OR4E2: variants seen among roughly 807,000 people sequenced by gnomAD.
The protein encoded by OR4E2 is olfactory receptor 4E2.
In OR4E2, 9 loss-of-function variants were observed where a neutral mutation model predicts 11.0. The ratio of observed to expected loss-of-function variants is 0.82; its 90% CI spans 0.49 to 1.43. The LOEUF is 1.43. Among genes scored for constraint, OR4E2 ranks in the 40% most tolerant of loss-of-function variants. The pLI is 0.00. For missense variants in OR4E2, 441 were observed against 382.0 expected (o/e 1.15, Z -1.29); for synonymous variants, 159 against 147.3 (o/e 1.08, Z -0.57).
intron 1 of OR4E2, among the ~76,000 whole-genome samples, chr14:21,656,184 A>G (rs1427904351): frequency 6.6e-6 from 1 of 151,786 alleles, no homozygotes; most frequent in African/African-American, 2.4e-5. Flanking sequence ...CAAAAAAAAA[A>G]AAGCAATGAA....
chr14:21,657,513 TTGTTTTTC>T (rs1211309396), intron 2 of OR4E2, among the ~76,000 whole-genome samples: 2,657 of 106,672 alleles, frequency 0.025, 149 homozygotes, highest in Admixed American at 0.096. Context: ...CCTTCTTTCT[TTGTTTTTC>T]TTTCTTTCTT....
chr14:21,657,435 CTTT>C (rs1159669177), intron 2 of OR4E2, among the ~76,000 whole-genome samples: 1 of 91,892 alleles, frequency 1.1e-5, no homozygotes, highest in Non-Finnish European at 2.1e-5. Context: ...TTTCTTTCTT[CTTT>C]CTTTCCTTCC....
chr14:21,660,892 A>C (rs1267227005), intron 3 of OR4E2, 146 bp downstream of exon 3: 2 of 152,190 alleles, frequency 1.3e-5, no homozygotes, highest in Non-Finnish European at 2.9e-5. Context: ...CACACATTTG[A>C]ATACATATAT....
chr14:21,660,797 T>C (rs905140179), intron 3 of OR4E2, 51 bp downstream of exon 3: 3 of 152,100 alleles, frequency 2.0e-5, no homozygotes, highest in Non-Finnish European at 2.9e-5. Context: ...GATTTCTCAC[T>C]GTAATGTTGA....
intron 3 of OR4E2, among the ~76,000 whole-genome samples, 198 bp from the exon 4 acceptor site, chr14:21,664,877 G>T (rs1443246288): frequency 6.6e-6 from 1 of 152,168 alleles, no homozygotes; most frequent in Non-Finnish European, 1.5e-5. Context: ...GCCATAGGGT[G>T]GTTGTGTTTA....
At position 21,660,633 on chromosome 14, in the gene OR4E2, T is replaced by C. The variant is rs985049850; in HGVS notation, c.-102-20T>C. 0.016 allele frequency: 7 copies of C among 440 alleles called. No homozygotes were observed. Among genetic ancestry groups the C allele is most frequent in the South Asian group, 0.17 (1 of 6 alleles). 0.0% of individuals were successfully genotyped at this position (440 alleles called of 1,614,324 possible). Reference sequence around the variant, plus strand: ...AGTGAAATGATTTAATCTGATCTATTTTTTTTTTTTTTTTTAAAGATGGCA... The same window carrying C: ...AGTGAAATGATTTAATCTGATCTATCTTTTTTTTTTTTTTTAAAGATGGCA... On this transcript the variant is annotated intron_variant, in intron 2 of 3. Transcript: ENST00000641524.
chr14:21,654,675 G>A (rs896245936), intron 1 of OR4E2, among the ~76,000 whole-genome samples: 4 of 151,894 alleles, frequency 2.6e-5, no homozygotes, highest in Non-Finnish European at 1.5e-5. Flanking sequence ...AAAAATCTGC[G>A]TATAAGTGGA....
rs1673673653 is a variant in OR4E2 at position 21,666,711 on chromosome 14, T to G, written c.*687T>G. 1 of 151,930 alleles carries G rather than the reference T, an allele frequency of 6.6e-6. No homozygotes were observed. The highest frequency in any genetic ancestry group is 6.6e-5 in the Admixed American group (1 of 15,256). The allele number at this position is 151,930 out of a possible 1,614,324, so 9.4% of individuals were successfully genotyped here. A position where few individuals can be genotyped will look rare whatever the true frequency, so the allele number is the denominator to read the frequency against. ...GAAAATACCAAGTGGTTTTTTTTTT[T>G]TTTTTCCTAATTACTCTGTCGCCCA... On this transcript the variant is annotated 3_prime_UTR_variant, in exon 4 of 4. Transcript: ENST00000641524.
chr14:21,657,634 A>G (rs1880083669), intron 2 of OR4E2, among the ~76,000 whole-genome samples: 1 of 141,028 alleles, frequency 7.1e-6, no homozygotes. Flanking sequence ...CTTGTTGCCC[A>G]GGCTGGAGCT....
chr14:21,656,884 C>G lies in OR4E2; in HGVS notation c.-103+295C>G, dbSNP rs578139399. ...GGATTCCTCAAGATGTCTGGGGTTA[C>G]GACTTGTCACCTTTAGAGTTTGCCA... is the stretch of plus-strand genomic sequence containing the variant. On this transcript the variant is annotated intron_variant, in intron 2 of 3. Transcript: ENST00000641524. Among the ~76,000 whole-genome samples, 37 of 152,294 alleles carry G rather than the reference C, an allele frequency of 2.4e-4. 1 individual carries two copies. The South Asian group carries it at 7.3e-3, about 30-fold the overall frequency.
At chr14:21,656,951 G>T (rs1879982677) in intron 2 of OR4E2, among the ~76,000 whole-genome samples, 1 of 152,138 alleles carries the variant, frequency 6.6e-6, no homozygotes, top group Admixed American at 6.5e-5. Context: ...CACTCCGTAG[G>T]TTATGGAGTC....
Position 21,665,746 on chromosome 14 carries a change from C to G in OR4E2, c.664C>G (p.Leu222Val), listed in dbSNP as rs755096988. The G allele has an allele frequency of 6.2e-6, 10 of 1,614,038 alleles. No individual in the cohort carries two copies. Among genetic ancestry groups the G allele is most frequent in the South Asian group, 3.3e-5 (3 of 91,078 alleles). Residue 222 changes from leucine (L) to valine (V), a missense_variant, in exon 4 of 4, where the codon CTG (leucine) becomes GTG (valine). Coordinates refer to ENST00000641524, the MANE Select transcript of OR4E2 (RefSeq NM_001001912.3). ...LAVVTSYMVI[L>V]VSLRKHSAEG... ...CGTGGTCACCTCCTATATGGTCATC[C>G]TGGTTTCTCTTCGAAAACACTCAGC...
In OR4E2 at chr14:21,665,759, G is replaced by T; in HGVS notation, c.677G>T (p.Arg226Leu). Residue 226 changes from arginine to leucine, a missense_variant, in exon 4 of 4, where the codon CGA becomes CTA. By Grantham distance (102) the Arg-to-Leu change is moderately radical. Transcript: ENST00000641524. ...TSYMVILVSL[R>L]KHSAEGRRKA... is the part of the protein sequence containing the mutation. ...TATATGGTCATCCTGGTTTCTCTTC[G>T]AAAACACTCAGCTGAAGGGCGCCGG... The T allele has an allele frequency of 1.2e-6, 2 of 1,613,970 alleles. No individual in the cohort carries two copies. The highest frequency in any genetic ancestry group is 2.2e-5 in the South Asian group (2 of 91,072).
intron 2 of OR4E2, 26 bp from the exon 3 acceptor site, chr14:21,660,627 A>T (rs1880267925): frequency 4.5e-5 from 4 of 87,966 alleles, no homozygotes; most frequent in Non-Finnish European, 8.7e-5. Flanking sequence ...ATTTAATCTG[A>T]TCTATTTTTT....
rs755668990 is a variant in OR4E2, at chr14:21,666,133, G to A, written c.*109G>A. ...TTGGTAAATTAGGTAAAATGGCATAGAGCAGGTCAGATTTCTGCTCATTAA... is the reference window on the plus strand; with the variant it reads ...TTGGTAAATTAGGTAAAATGGCATAAAGCAGGTCAGATTTCTGCTCATTAA... On this transcript the variant is annotated 3_prime_UTR_variant, in exon 4 of 4. Transcript: ENST00000641524. 2 of 712,990 alleles carry A rather than the reference G, an allele frequency of 2.8e-6. No individual in the cohort carries two copies. Among genetic ancestry groups the A allele is most frequent in the Non-Finnish European group, 4.7e-6 (2 of 424,802 alleles). 44.2% of individuals were successfully genotyped at this position (712,990 alleles called of 1,614,324 possible). A position where few individuals can be genotyped will look rare whatever the true frequency, so the allele number is the denominator to read the frequency against.
rs1880703300 is a variant in OR4E2, at chr14:21,667,399, G to A, written c.*1375G>A. 1 of 152,028 alleles carries A rather than the reference G, an allele frequency of 6.6e-6. No homozygotes were observed. The highest frequency in any genetic ancestry group is 2.4e-5 in the African/African-American group (1 of 41,416). 9.4% of individuals were successfully genotyped at this position (152,028 alleles called of 1,614,324 possible). On this transcript the variant is annotated 3_prime_UTR_variant, in exon 4 of 4. Coordinates refer to ENST00000641524, the MANE Select transcript of OR4E2 (RefSeq NM_001001912.3). ...TAACTCTAACTAAAGAGTAATACATGATTACCTTTTAGTAATCAAAAGGAC... is the reference window on the plus strand; with the variant it reads ...TAACTCTAACTAAAGAGTAATACATAATTACCTTTTAGTAATCAAAAGGAC...
Position 21,665,074 on chromosome 14 carries a change from G to T in OR4E2, c.-8-1G>T. ...TTAGCTTTCATTTTTTCCCCCCTAA[G>T]CTCATTGAATGGACAGTCTAAACCA... On this transcript the variant is annotated splice_acceptor_variant, in intron 3 of 3. Transcript: ENST00000641524. LOFTEE classifies it low-confidence loss of function (5UTR_SPLICE). The T allele has an allele frequency of 6.6e-7, 1 of 1,525,760 alleles. No individual in the cohort carries two copies. Among genetic ancestry groups the T allele is most frequent in the Non-Finnish European group, 9.0e-7 (1 of 1,112,526 alleles). 94.5% of individuals were successfully genotyped at this position (1,525,760 alleles called of 1,614,324 possible). A position where few individuals can be genotyped will look rare whatever the true frequency, so the allele number is the denominator to read the frequency against.
intron 3 of OR4E2, among the ~76,000 whole-genome samples, chr14:21,664,473 G>C (rs1306957380): frequency 6.6e-6 from 1 of 152,150 alleles, no homozygotes; most frequent in Non-Finnish European, 1.5e-5. Flanking sequence ...GAGGTGAGGA[G>C]AGTACACTTG....
chr14:21,659,954 G>C (rs953873664), intron 2 of OR4E2, among the ~76,000 whole-genome samples: 1 of 151,948 alleles, frequency 6.6e-6, no homozygotes. Flanking sequence ...TGGAATTCTC[G>C]GTGAGTTTTA....
Sources: allele counts gnomAD v4.1 joint callset (sites outside exome capture counted in the v4.1 genomes callset), GRCh38; gene constraint gnomAD v4.1.1; transcripts MANE v1.5; gene names NCBI Gene and HGNC (gene_info 2026-07-23, HGNC 2026-07-21).